Variants in EML6 observed in about 807,000 individuals in gnomAD.
EML6 encodes EMAP like 6.
EML6 carries 154 observed loss-of-function variants against 240.1 expected under a neutral mutation model. The observed-to-expected ratio is 0.64, with a 90% CI of 0.56 to 0.73. The LOEUF is 0.73. Ranked by LOEUF, EML6 falls within the 30% of genes least tolerant of loss-of-function variation. EML6 has a pLI of 0.00. For synonymous variants in EML6, 1,148 were observed against 899.0 expected, an observed-to-expected ratio of 1.28 and a Z score of -4.95; for missense variants, 2,964 against 2,474.6, an observed-to-expected ratio of 1.20 and a Z score of -4.20.
chr2:54,836,555 C>G (rs557305141), intron 7 of EML6, among the ~76,000 whole-genome samples: 1 of 152,314 alleles, frequency 6.6e-6, no homozygotes, highest in Admixed American at 6.5e-5. Context: ...GCGACTCTCC[C>G]AGCTCAGGGT....
chr2:54,807,625 G>A (rs958267770), intron 2 of EML6, among the ~76,000 whole-genome samples: 7 of 152,128 alleles, frequency 4.6e-5, no homozygotes, highest in Non-Finnish European at 8.8e-5. Context: ...ACCATCTATG[G>A]TATTTCTACC....
intron 12 of EML6, among the ~76,000 whole-genome samples, chr2:54,861,351 G>T (rs1470822703): frequency 6.6e-6 from 1 of 152,162 alleles, no homozygotes; most frequent in Non-Finnish European, 1.5e-5. Flanking sequence ...TTAAACCACA[G>T]AAAATGAAGA....
chr2:54,778,610 C>T (rs1010453179), intron 2 of EML6, among the ~76,000 whole-genome samples: 7 of 151,936 alleles, frequency 4.6e-5, no homozygotes, highest in African/African-American at 7.3e-5. Context: ...ATTGTTAGGC[C>T]GGGCGCAGTA....
At chr2:54,951,572 C>T (rs1675980399) in intron 30 of EML6, among the ~76,000 whole-genome samples, 1 of 151,602 alleles carries the variant, frequency 6.6e-6, no homozygotes, top group South Asian at 2.1e-4. Flanking sequence ...ATACTCAAAC[C>T]ACATGGTGAC....
intron 7 of EML6, among the ~76,000 whole-genome samples, chr2:54,840,810 C>T (rs1446259920): frequency 1.3e-5 from 2 of 152,330 alleles, no homozygotes; most frequent in South Asian, 2.1e-4. Context: ...TTCTATTCTA[C>T]TGAGAGGAAG....
At chr2:54,805,977 A>G (rs1163857290) in intron 2 of EML6, among the ~76,000 whole-genome samples, 1 of 152,150 alleles carries the variant, frequency 6.6e-6, no homozygotes, top group Non-Finnish European at 1.5e-5. Flanking sequence ...GGGTCTCTCT[A>G]TGGATTCAAT....
chr2:54,861,707 T>A (rs535570361), intron 12 of EML6, among the ~76,000 whole-genome samples: 1 of 151,550 alleles, frequency 6.6e-6, no homozygotes, highest in Admixed American at 6.6e-5. Context: ...CATTGGCCAG[T>A]CAGATTGGTG....
chr2:54,836,864 T>C (rs371573800), intron 7 of EML6, among the ~76,000 whole-genome samples: 2 of 152,160 alleles, frequency 1.3e-5, no homozygotes, highest in Non-Finnish European at 2.9e-5. Flanking sequence ...CTTTCCTCCT[T>C]CATTTCTTTC....
intron 4 of EML6, among the ~76,000 whole-genome samples, chr2:54,818,369 T>A (rs536652156): frequency 1.3e-5 from 2 of 152,180 alleles, no homozygotes; most frequent in Non-Finnish European, 2.9e-5. Flanking sequence ...ACTGAAAATT[T>A]AGGGGTATAC....
At chr2:54,888,599 A>C (rs1274786547) in intron 17 of EML6, among the ~76,000 whole-genome samples, 2 of 152,200 alleles carry the variant, frequency 1.3e-5, no homozygotes, top group African/African-American at 2.4e-5. Flanking sequence ...AGAATGTCAT[A>C]TAATTGGAAC....
At chr2:54,858,913 G>A (rs908360256) in intron 11 of EML6, among the ~76,000 whole-genome samples, 34 of 152,194 alleles carry the variant, frequency 2.2e-4, no homozygotes, top group Admixed American at 2.1e-3. Flanking sequence ...TGGGGTTCTA[G>A]GCCTCCATGT....
At position 54,895,769 on chromosome 2, in the gene EML6, T is replaced by C. The variant is rs139415952; in HGVS notation, c.2982+369T>C. On this transcript the variant is annotated intron_variant, in intron 21 of 41. Transcript: ENST00000356458. ...ATTAAGTTGCTTGTAAGTGTAGGAC[T>C]AAAGGCTTTTTTTTTTCTTGCTGGC... Among the ~76,000 whole-genome samples, 215 of 152,310 alleles carry C rather than the reference T, an allele frequency of 1.4e-3. 2 individuals are homozygous for C. Among genetic ancestry groups the C allele is most frequent in the African/African-American group, 4.8e-3 (198 of 41,568 alleles).
rs562154368 is a variant in EML6, at chr2:54,930,414, G to A, written c.4004+1663G>A. On this transcript the variant is annotated intron_variant, in intron 28 of 41. Coordinates refer to ENST00000356458, the MANE Select transcript of EML6 (RefSeq NM_001039753.4). ...GGACTGATGATAGAGAGGACCCTAA[G>A]AATTTTTCATTTTAAAATTCAGAAT... 2.7e-3 allele frequency among the ~76,000 whole-genome samples: 406 copies of A among 152,056 alleles called. 3 individuals are homozygous for A. The highest frequency in any genetic ancestry group is 4.7e-3 in the Non-Finnish European group (322 of 67,982).
chr2:54,834,830 A>G (rs1426200835), intron 7 of EML6, among the ~76,000 whole-genome samples: 3 of 152,344 alleles, frequency 2.0e-5, no homozygotes, highest in South Asian at 4.1e-4. Flanking sequence ...CATCTTTTAC[A>G]TAGAATATTG....
chr2:54,916,447 C>T (rs1297362417), intron 25 of EML6, among the ~76,000 whole-genome samples: 5 of 152,162 alleles, frequency 3.3e-5, no homozygotes, highest in African/African-American at 9.7e-5. Flanking sequence ...AATCTGGATC[C>T]AGCTTATGGC....
rs147828194 is a variant in EML6 at position 54,831,038 on chromosome 2, C to G, written c.847+1561C>G. Reference sequence around the variant, plus strand: ...CTTGATCCGGAAAAAACATGCCAAACAGATATAAGCTTGCAAGTACCCGTA... The same window carrying G: ...CTTGATCCGGAAAAAACATGCCAAAGAGATATAAGCTTGCAAGTACCCGTA... On this transcript the variant is annotated intron_variant, in intron 7 of 41. Coordinates refer to ENST00000356458, the MANE Select transcript of EML6 (RefSeq NM_001039753.4). Among the ~76,000 whole-genome samples, 498 of 152,262 alleles carry G rather than the reference C, an allele frequency of 3.3e-3. 3 individuals are homozygous for G. Among genetic ancestry groups the G allele is most frequent in the African/African-American group, 0.012 (481 of 41,554 alleles).
chr2:54,771,177 T>A (rs1360670266), intron 2 of EML6, among the ~76,000 whole-genome samples: 1 of 152,130 alleles, frequency 6.6e-6, no homozygotes, highest in Non-Finnish European at 1.5e-5. Flanking sequence ...TGCTACACAT[T>A]TTTGGAGTTA....
intron 2 of EML6, among the ~76,000 whole-genome samples, chr2:54,744,430 G>T (rs1176464140): frequency 6.6e-6 from 1 of 152,154 alleles, no homozygotes; most frequent in Non-Finnish European, 1.5e-5. Flanking sequence ...CAAATGCGGA[G>T]GTGAGCCATG....
At chr2:54,938,772 G>C (rs1323165384) in intron 28 of EML6, among the ~76,000 whole-genome samples, 2 of 152,218 alleles carry the variant, frequency 1.3e-5, no homozygotes, top group Non-Finnish European at 2.9e-5. Context: ...TCGGATCTCT[G>C]AGAAGATTTT....
Sources: gnomAD v4.1 joint callset for allele counts (sites outside exome capture counted in the v4.1 genomes callset) on GRCh38, gnomAD v4.1.1 for gene constraint, MANE v1.5 for transcripts, NCBI Gene and HGNC (gene_info 2026-07-23, HGNC 2026-07-21) for gene names.